The following CRHR1 variants were observed in gnomAD, a reference collection of about 807,000 sequenced individuals.
CRHR1 encodes corticotropin releasing hormone receptor 1.
Under a neutral mutation model 56.0 loss-of-function variants are expected in CRHR1, and 28 were observed. The observed-to-expected ratio is 0.50, with a 90% confidence interval of 0.37 to 0.69. The LOEUF (loss-of-function observed/expected upper bound fraction) is 0.69. Ranked by LOEUF, CRHR1 falls within the 30% of genes least tolerant of loss-of-function variation. The pLI is 0.00. For missense variants in CRHR1, 376 were observed against 548.0 expected, an observed-to-expected ratio of 0.69 and a Z score of 3.13; for synonymous variants, 195 against 216.5, an observed-to-expected ratio of 0.90 and a Z score of 0.87.
intron 3 of CRHR1, among the ~76,000 whole-genome samples, chr17:45,818,165 G>A (rs1047183187): frequency 2.6e-5 from 4 of 152,038 alleles, no homozygotes; most frequent in South Asian, 2.1e-4. Flanking sequence ...CAGCGCCACC[G>A]CCCAGCCTCA....
At chr17:45,812,258 A>T (rs1455952252) in intron 2 of CRHR1, among the ~76,000 whole-genome samples, 1 of 152,236 alleles carries the variant, frequency 6.6e-6, no homozygotes, top group Non-Finnish European at 1.5e-5. Context: ...AAACCTATGG[A>T]TATGGAGAAA....
intron 10 of CRHR1, 36 bp downstream of exon 10, chr17:45,833,573 A>G (rs747600909): frequency 1.3e-5 from 21 of 1,604,528 alleles, no homozygotes; most frequent in Non-Finnish European, 1.7e-5. Flanking sequence ...CCTCCCCCTG[A>G]TGAAACCCCT....
chr17:45,801,210 C>T (rs1293131773), intron 1 of CRHR1, among the ~76,000 whole-genome samples: 2 of 152,208 alleles, frequency 1.3e-5, no homozygotes, highest in Non-Finnish European at 2.9e-5. Context: ...CCACCTTCCT[C>T]CCCACTGCCC....
At chr17:45,791,833 TTCTCTCTCTC>T (rs71363555) in intron 1 of CRHR1, among the ~76,000 whole-genome samples, 1 of 127,122 alleles carries the variant, frequency 7.9e-6, no homozygotes, top group Non-Finnish European at 1.6e-5. Flanking sequence ...CTCTCTCTCT[TTCTCTCTCTC>T]TCTCTCTCTC....
chr17:45,830,044 C>T (rs2062259548), intron 5 of CRHR1, 50 bp from the exon 6 acceptor site: 1 of 1,611,280 alleles, frequency 6.2e-7, no homozygotes, highest in Admixed American at 1.7e-5. Context: ...GCCTACCCCT[C>T]ATCCTCTCTC....
chr17:45,821,304 G>A, intron 3 of CRHR1, 51 bp from the exon 4 acceptor site: 7 of 1,554,452 alleles, frequency 4.5e-6, no homozygotes, highest in Non-Finnish European at 6.2e-6. Flanking sequence ...AGGATGGTCA[G>A]GCAGGGGCCG....
At chr17:45,818,632 G>C (rs1440888316) in intron 3 of CRHR1, among the ~76,000 whole-genome samples, 2 of 152,202 alleles carry the variant, frequency 1.3e-5, no homozygotes, top group African/African-American at 4.8e-5. Context: ...GGGTCAGTCT[G>C]TGAGGGCAGG....
chr17:45,795,601 A>G (rs2061503358), intron 1 of CRHR1, among the ~76,000 whole-genome samples: 1 of 152,196 alleles, frequency 6.6e-6, no homozygotes, highest in Non-Finnish European at 1.5e-5. Flanking sequence ...CCAGGTGAGA[A>G]TCTCTGAGCT....
At chr17:45,798,361 A>G (rs2061557926) in intron 1 of CRHR1, among the ~76,000 whole-genome samples, 1 of 152,084 alleles carries the variant, frequency 6.6e-6, no homozygotes, top group Non-Finnish European at 1.5e-5. Context: ...CCCCATCTCT[A>G]ATAAAAATAT....
chr17:45,794,252 A>T (rs916377594), intron 1 of CRHR1, among the ~76,000 whole-genome samples: 2 of 152,246 alleles, frequency 1.3e-5, no homozygotes, highest in African/African-American at 4.8e-5. Flanking sequence ...GCATGCTCGG[A>T]TGTCACCGCA....
chr17:45,802,367 A>G (rs2061639384), intron 1 of CRHR1, among the ~76,000 whole-genome samples: 1 of 152,242 alleles, frequency 6.6e-6, no homozygotes, highest in South Asian at 2.1e-4. Flanking sequence ...AGGGCAAACA[A>G]ACAACATCCT....
At chr17:45,820,465 G>T (rs1438214598) in intron 3 of CRHR1, among the ~76,000 whole-genome samples, 1 of 152,168 alleles carries the variant, frequency 6.6e-6, no homozygotes, top group Non-Finnish European at 1.5e-5. Flanking sequence ...GGGCCCTAAA[G>T]CCAGGCATCA....
intron 2 of CRHR1, among the ~76,000 whole-genome samples, chr17:45,813,660 C>T (rs2061869736): frequency 6.6e-6 from 1 of 152,212 alleles, no homozygotes; most frequent in Non-Finnish European, 1.5e-5. Context: ...CTGTGGGCAG[C>T]ACCCTGAGCT....
chr17:45,791,848 T>A (rs1337198182), intron 1 of CRHR1, among the ~76,000 whole-genome samples: 5 of 123,326 alleles, frequency 4.1e-5, no homozygotes, highest in Non-Finnish European at 8.5e-5. Context: ...TCTCTCTCTC[T>A]CTCTCACACA....
At chr17:45,829,488 G>C in intron 5 of CRHR1, 167 bp downstream of exon 5, 3 of 1,448,050 alleles carry the variant, frequency 2.1e-6, no homozygotes, top group Non-Finnish European at 2.8e-6. Context: ...TGGCAGAGCC[G>C]CTCTGCCCTC....
At chr17:45,804,798 C>T (rs1363700806) in intron 1 of CRHR1, among the ~76,000 whole-genome samples, 1 of 143,774 alleles carries the variant, frequency 7.0e-6, no homozygotes, top group African/African-American at 2.6e-5. Context: ...TTCCTCAAAC[C>T]TCAGTAATCG....
Position 45,833,827 on chromosome 17 carries a change from A to G in CRHR1, c.1043A>G (p.Asn348Ser). The G allele has an allele frequency of 1.2e-6, 2 of 1,612,906 alleles. No individual in the cohort carries two copies. The highest frequency in any genetic ancestry group is 8.5e-7 in the Non-Finnish European group (1 of 1,179,742). Residue 348 changes from asparagine (N) to serine (S), a missense_variant, in exon 11 of 13, where the codon AAC becomes AGC. This residue lies in a region of CRHR1 where 369 missense variants were observed against 519.5 expected (regional missense o/e 0.71). Transcript: ENST00000314537. ...TCCCGGGTCGTCTTCATCTACTTCA[A>G]CTCCTTCCTGGAATCCTTCCAGGTA... ...EVSRVVFIYF[N>S]SFLESFQGFF...
rs575932367 is a variant in CRHR1, at chr17:45,829,410, G to C, written c.434+89G>C. The C allele has an allele frequency of 6.5e-4, 905 of 1,386,404 alleles. 3 individuals carry two copies. Among genetic ancestry groups the C allele is most frequent in the Non-Finnish European group, 8.2e-4 (820 of 995,336 alleles). 85.9% of individuals were successfully genotyped at this position (1,386,404 alleles called of 1,614,324 possible). A position where few individuals can be genotyped will look rare whatever the true frequency, so the allele number is the denominator to read the frequency against. ...AGTGAGAGGAGCAGCTCTAGGTTGGGGTGGGGGTTGCTGGGAGAGGGTGGC... is the reference window on the plus strand; with the variant it reads ...AGTGAGAGGAGCAGCTCTAGGTTGGCGTGGGGGTTGCTGGGAGAGGGTGGC... On this transcript the variant is annotated intron_variant, in intron 5 of 12. Coordinates refer to ENST00000314537, the MANE Select transcript of CRHR1 (RefSeq NM_004382.5).
chr17:45,803,833 G>A (rs1485701454), intron 1 of CRHR1, among the ~76,000 whole-genome samples: 1 of 152,160 alleles, frequency 6.6e-6, no homozygotes, highest in Non-Finnish European at 1.5e-5. Context: ...GGGCAGATGT[G>A]GGGTGGGAAA....
Sources: gnomAD v4.1 joint callset for allele counts (sites outside exome capture counted in the v4.1 genomes callset) on GRCh38, gnomAD v4.1.1 for gene constraint, gnomAD v4.1.1 regional missense constraint, MANE v1.5 for transcripts, NCBI Gene and HGNC (gene_info 2026-07-23, HGNC 2026-07-21) for gene names.